C1QTNF9: variants seen among roughly 807,000 people sequenced by gnomAD.
C1QTNF9 encodes the protein complement C1q and tumor necrosis factor-related protein 9A.
In C1QTNF9, 6 loss-of-function variants were observed where a neutral mutation model predicts 10.1. The observed-to-expected ratio is 0.59, with a 90% CI of 0.32 to 1.17. The LOEUF is 1.17. Ranked by LOEUF, C1QTNF9 falls within the 50% of genes most tolerant of loss-of-function variation. C1QTNF9 has a pLI of 0.04. For missense variants in C1QTNF9, 201 were observed against 418.8 expected (o/e 0.48, Z 4.54); for synonymous variants, 98 against 163.5 (o/e 0.60, Z 3.06).
chr13:24,317,516 G>A (rs888915064), intron 2 of C1QTNF9, among the ~76,000 whole-genome samples: 11 of 151,460 alleles, frequency 7.3e-5, no homozygotes, highest in African/African-American at 9.7e-5. Flanking sequence ...ATTTTTCTAC[G>A]TAGTTCATAG....
chr13:24,315,994 C>T (rs1189045502), exon 2 of C1QTNF9: 1 of 1,613,810 alleles, frequency 6.2e-7, no homozygotes, highest in Non-Finnish European at 8.5e-7. Flanking sequence ...CAGAGTCTGT[C>T]ATCTGAACCA....
At chr13:24,308,251 G>C (rs1877674073), upstream of C1QTNF9, among the ~76,000 whole-genome samples, 1 of 152,362 alleles carries the variant, frequency 6.6e-6, no homozygotes, top group Non-Finnish European at 1.5e-5. Flanking sequence ...AAGCGGGGAA[G>C]GGCCGGGCAG....
intron 1 of C1QTNF9, among the ~76,000 whole-genome samples, chr13:24,314,880 T>C (rs567293549): frequency 6.0e-5 from 9 of 150,836 alleles, no homozygotes; most frequent in African/African-American, 2.2e-4. Flanking sequence ...GAAAATGCAT[T>C]TCTCCCGAAC....
At chr13:24,308,815 G>T (rs558656615), upstream of C1QTNF9, among the ~76,000 whole-genome samples, 3 of 152,356 alleles carry the variant, frequency 2.0e-5, no homozygotes, top group East Asian at 5.8e-4. Context: ...GGGAAACCGG[G>T]CTGGGCTCCT....
At chr13:24,317,438 C>T (rs192643310) in intron 2 of C1QTNF9, among the ~76,000 whole-genome samples, 87 of 152,212 alleles carry the variant, frequency 5.7e-4, no homozygotes, top group Non-Finnish European at 1.0e-3. Flanking sequence ...TTGAATTTCT[C>T]TCCTCTTTTC....
chr13:24,313,177 C>CT (rs1877901238), intron 1 of C1QTNF9, among the ~76,000 whole-genome samples: 1 of 152,114 alleles, frequency 6.6e-6, no homozygotes, highest in Non-Finnish European at 1.5e-5. Flanking sequence ...TTTGGGAGAA[C>CT]GCATATTAGT....
chr13:24,312,757 C>T (rs903019911), intron 1 of C1QTNF9, among the ~76,000 whole-genome samples: 1 of 151,840 alleles, frequency 6.6e-6, no homozygotes, highest in African/African-American at 2.4e-5. Flanking sequence ...GAAATCGAGA[C>T]CATCCTGGCT....
upstream of C1QTNF9, among the ~76,000 whole-genome samples, chr13:24,309,184 AAAAG>A (rs1298391889): frequency 1.3e-5 from 2 of 151,532 alleles, no homozygotes; most frequent in African/African-American, 4.9e-5. Flanking sequence ...ATCACTTTGA[AAAAG>A]AAAGGAGTTA....
upstream of C1QTNF9, among the ~76,000 whole-genome samples, chr13:24,308,899 C>T (rs1397392617): frequency 6.6e-6 from 1 of 152,198 alleles, no homozygotes; most frequent in Admixed American, 6.5e-5. Context: ...TCCATGATTA[C>T]TGGCATTGAA....
intron 1 of C1QTNF9, among the ~76,000 whole-genome samples, chr13:24,312,329 C>CTGGGG (rs1877858924): frequency 6.6e-6 from 1 of 151,838 alleles, no homozygotes; most frequent in African/African-American, 2.4e-5. Flanking sequence ...GTGTGGTGTA[C>CTGGGG]AGAGTAAGTG....
At position 24,309,635 on chromosome 13, in the gene C1QTNF9, G is replaced by A. The variant is rs1877736028; in HGVS notation, c.-23+19G>A. ...GGTCCAGGTAAGTTCATCAGGAAAG[G>A]ATTTCTTTACATTCAATTTAAGCCA... On this transcript the variant is annotated intron_variant, in intron 1 of 3. Transcript: ENST00000332018. 1 of 152,056 alleles carries A rather than the reference G, an allele frequency of 6.6e-6. No homozygotes were observed. The highest frequency in any genetic ancestry group is 1.5e-5 in the Non-Finnish European group (1 of 68,010). 9.4% of individuals were successfully genotyped at this position (152,056 alleles called of 1,614,324 possible).
intron 2 of C1QTNF9, among the ~76,000 whole-genome samples, chr13:24,317,992 GT>G (rs1195822298): frequency 6.6e-6 from 1 of 152,156 alleles, no homozygotes; most frequent in East Asian, 1.9e-4. Context: ...AAGTCTGCCT[GT>G]GTCAGTCCTG....
At chr13:24,311,874 C>T (rs551790272) in intron 1 of C1QTNF9, among the ~76,000 whole-genome samples, 1 of 152,250 alleles carries the variant, frequency 6.6e-6, no homozygotes, top group South Asian at 2.1e-4. Flanking sequence ...CCATGCACAC[C>T]CCCCCACAGG....
At position 24,315,934 on chromosome 13, in the gene C1QTNF9, C is replaced by T. The variant is rs73455796; in HGVS notation, c.-22-48C>T. On this transcript the variant is annotated intron_variant, in intron 1 of 3. Coordinates refer to ENST00000332018, the Ensembl canonical transcript of C1QTNF9. Reference sequence around the variant, plus strand: ...CACGGAACAGAGGCTGTGTCCAGGGCCCCAGCAACAAAGATTTCTCCTTTG... The same window carrying T: ...CACGGAACAGAGGCTGTGTCCAGGGTCCCAGCAACAAAGATTTCTCCTTTG... 2.9e-4 allele frequency: 464 copies of T among 1,590,920 alleles called. 4 individuals are homozygous for T. In the African/African-American group the frequency reaches 5.6e-3, roughly 19 times the overall value.
At chr13:24,320,574 A>G (rs1281037605) in intron 3 of C1QTNF9, among the ~76,000 whole-genome samples, 13 of 151,974 alleles carry the variant, frequency 8.6e-5, no homozygotes, top group Non-Finnish European at 1.5e-4. Flanking sequence ...TTGCAGAGAT[A>G]AGGTTTGGCC....
upstream of C1QTNF9, among the ~76,000 whole-genome samples, chr13:24,308,584 G>A (rs1459660596): frequency 6.6e-6 from 1 of 152,242 alleles, no homozygotes; most frequent in Admixed American, 6.5e-5. Flanking sequence ...TAAGGCGGGA[G>A]AGGGAGTCGG....
rs1593533522 is a variant in C1QTNF9 at position 24,315,676 on chromosome 13, T to TAAGCA, written c.-22-306_-22-305insAAGCA. ...GAGATAAGTAAGCATTGATCTCTGG[T>TAAGCA]TCAGAAAAGTGATTTCTTCAAAGTG... On this transcript the variant is annotated intron_variant, in intron 1 of 3. Coordinates refer to ENST00000332018, the Ensembl canonical transcript of C1QTNF9. 1.5e-5 allele frequency: 7 copies of TAAGCA among 475,930 alleles called. No homozygotes were observed. The East Asian group carries it at 2.2e-4, about 15-fold the overall frequency. The allele number at this position is 475,930 out of a possible 1,614,324, so 29.5% of individuals were successfully genotyped here. A position where few individuals can be genotyped will look rare whatever the true frequency, so the allele number is the denominator to read the frequency against.
rs966738828 is a variant in C1QTNF9, at chr13:24,316,237, C to T, written c.166+68C>T. 9 of 1,513,920 alleles carry T rather than the reference C, an allele frequency of 5.9e-6. 1 individual carries two copies. In the African/African-American group the frequency reaches 1.2e-4, roughly 21 times the overall value. The allele number at this position is 1,513,920 out of a possible 1,614,324, so 93.8% of individuals were successfully genotyped here. A position where few individuals can be genotyped will look rare whatever the true frequency, so the allele number is the denominator to read the frequency against. ...CATTCCTTTCATCTCATTCACTCATCATCTGTGTGATTTTCCACCTACCCA... is the reference window on the plus strand; with the variant it reads ...CATTCCTTTCATCTCATTCACTCATTATCTGTGTGATTTTCCACCTACCCA... On this transcript the variant is annotated intron_variant, in intron 2 of 3. Coordinates refer to ENST00000332018, the Ensembl canonical transcript of C1QTNF9.
In C1QTNF9 at chr13:24,316,111, C is replaced by G. The variant is rs750278287; in HGVS notation, c.108C>G (p.His36Gln). ...CTGGAATCCCTGGGAACCCCGGTCA[C>G]AATGGTCTGCCTGGAAGAGATGGAC... Residue 36 changes from histidine (H) to glutamine (Q), a missense_variant, in exon 2 of 4, where the codon CAC (histidine) becomes CAG (glutamine). Physicochemically the swap from His to Gln is conservative, Grantham distance 24 (BLOSUM62 0). This residue lies in a region of C1QTNF9 where 53 missense variants were observed against 81.6 expected (regional missense o/e 0.65). Transcript: ENST00000332018. 99 of 1,612,838 alleles carry G rather than the reference C, an allele frequency of 6.1e-5. No homozygotes were observed. Among genetic ancestry groups the G allele is most frequent in the Non-Finnish European group, 7.7e-5 (91 of 1,179,534 alleles).
Sources: gnomAD v4.1 joint callset for allele counts (sites outside exome capture counted in the v4.1 genomes callset) on GRCh38, gnomAD v4.1.1 for gene constraint, gnomAD v4.1.1 regional missense constraint, MANE v1.5 for transcripts, NCBI Gene and HGNC (gene_info 2026-07-23, HGNC 2026-07-21) for gene names.